Variants in RGS7BP observed in about 807,000 individuals in gnomAD.
The protein encoded by RGS7BP is regulator of G protein signaling 7 binding protein, also known as regulator of G protein signaling 7-binding protein.
In RGS7BP, 9 loss-of-function variants were observed where a neutral mutation model predicts 31.3. The observed-to-expected ratio is 0.29, with a 90% confidence interval of 0.17 to 0.50. RGS7BP has a LOEUF of 0.50. Ranked by LOEUF, RGS7BP falls within the 20% of genes least tolerant of loss-of-function variation. The pLI is 0.98. For synonymous variants in RGS7BP, 115 were observed against 120.1 expected (o/e 0.96, Z 0.28); for missense variants, 274 against 322.0 (o/e 0.85, Z 1.14).
intron 3 of RGS7BP, among the ~76,000 whole-genome samples, chr5:64,584,730 T>C (rs1307843135): frequency 6.6e-6 from 1 of 152,246 alleles, no homozygotes; most frequent in Non-Finnish European, 1.5e-5. Context: ...GATGGTTTTG[T>C]ATCTCTTCTG....
At chr5:64,584,581 G>A (rs1742692155) in intron 3 of RGS7BP, among the ~76,000 whole-genome samples, 5 of 152,152 alleles carry the variant, frequency 3.3e-5, no homozygotes, top group Admixed American at 3.3e-4. Context: ...ATCTTCTATT[G>A]TTTGCTCTTC....
chr5:64,597,937 C>T (rs1743118126), intron 4 of RGS7BP, among the ~76,000 whole-genome samples: 1 of 152,144 alleles, frequency 6.6e-6, no homozygotes, highest in South Asian at 2.1e-4. Context: ...ATGTACATAG[C>T]CACTATAGTC....
At chr5:64,537,437 A>G (rs1741406109) in intron 2 of RGS7BP, among the ~76,000 whole-genome samples, 1 of 152,314 alleles carries the variant, frequency 6.6e-6, no homozygotes, top group African/African-American at 2.4e-5. Flanking sequence ...ATGTGTCTCA[A>G]TTTAAAATAA....
intron 2 of RGS7BP, among the ~76,000 whole-genome samples, chr5:64,518,048 G>A (rs1323838856): frequency 6.6e-6 from 1 of 151,996 alleles, no homozygotes; most frequent in African/African-American, 2.4e-5. Context: ...CTGGAGATGG[G>A]GATAAACTGC....
At chr5:64,556,417 C>CCACACACACACA (rs10624566) in intron 2 of RGS7BP, among the ~76,000 whole-genome samples, 11 of 125,398 alleles carry the variant, frequency 8.8e-5, no homozygotes, top group Admixed American at 5.1e-4. Flanking sequence ...TCTTCCCCAG[C>CCACACACACACA]CACACACACA....
chr5:64,598,528 C>T, intron 5 of RGS7BP, 93 bp downstream of exon 5: 1 of 822,340 alleles, frequency 1.2e-6, no homozygotes, highest in Non-Finnish European at 2.1e-6. Flanking sequence ...GTGTCTCACA[C>T]AAACAGTAGA....
At chr5:64,576,720 A>G (rs1742441443) in intron 3 of RGS7BP, among the ~76,000 whole-genome samples, 1 of 152,192 alleles carries the variant, frequency 6.6e-6, no homozygotes, top group South Asian at 2.1e-4. Context: ...TAGAGGGTGG[A>G]GTCAGCCCCA....
At chr5:64,525,018 T>A (rs1418263088) in intron 2 of RGS7BP, among the ~76,000 whole-genome samples, 1 of 152,128 alleles carries the variant, frequency 6.6e-6, no homozygotes, top group African/African-American at 2.4e-5. Flanking sequence ...CTTCATGTAT[T>A]TCTTGTCACT....
intron 5 of RGS7BP, among the ~76,000 whole-genome samples, chr5:64,602,525 T>A (rs1355680992): frequency 1.3e-5 from 2 of 152,166 alleles, no homozygotes; most frequent in African/African-American, 4.8e-5. Flanking sequence ...CATATAATGG[T>A]CACCAATGAT....
At position 64,571,898 on chromosome 5, in the gene RGS7BP, T is replaced by G. The variant is rs562629667; in HGVS notation, c.333-3876T>G. ...GTAGAAGTTAATTCTTAGGGTTTTT[T>G]CTATCAATACTAAGGCTTTGAAATT... On this transcript the variant is annotated intron_variant, in intron 2 of 5. Coordinates refer to ENST00000334025, the MANE Select transcript of RGS7BP (RefSeq NM_001029875.3). Among the ~76,000 whole-genome samples the G allele has an allele frequency of 6.6e-5, 10 of 152,328 alleles. 1 individual carries two copies. Among genetic ancestry groups the G allele is most frequent in the African/African-American group, 2.2e-4 (9 of 41,596 alleles).
intron 2 of RGS7BP, among the ~76,000 whole-genome samples, chr5:64,570,799 T>C (rs572674176): frequency 2.0e-5 from 3 of 152,314 alleles, no homozygotes; most frequent in African/African-American, 7.2e-5. Flanking sequence ...TTTTACGATA[T>C]TTGCTTTATT....
chr5:64,536,439 G>A (rs191772398), intron 2 of RGS7BP, among the ~76,000 whole-genome samples: 13 of 152,188 alleles, frequency 8.5e-5, no homozygotes, highest in Admixed American at 2.6e-4. Flanking sequence ...TGTCGCACGC[G>A]TTCACAATAA....
chr5:64,559,870 T>A (rs1210948153), intron 2 of RGS7BP, among the ~76,000 whole-genome samples: 1 of 152,056 alleles, frequency 6.6e-6, no homozygotes. Flanking sequence ...TTTAAAAAAA[T>A]AACTTGTCCA....
intron 2 of RGS7BP, among the ~76,000 whole-genome samples, chr5:64,555,727 T>C (rs1390734327): frequency 6.6e-6 from 1 of 152,034 alleles, no homozygotes; most frequent in African/African-American, 2.4e-5. Context: ...AAAAAGCACA[T>C]GGTAAAACAA....
chr5:64,580,575 A>C (rs2111914478), intron 3 of RGS7BP, among the ~76,000 whole-genome samples: 1 of 151,666 alleles, frequency 6.6e-6, no homozygotes, highest in East Asian at 1.9e-4. Context: ...AATCCATATA[A>C]ATATATAGGT....
chr5:64,552,625 C>A (rs1320144311), intron 2 of RGS7BP, among the ~76,000 whole-genome samples: 4 of 152,208 alleles, frequency 2.6e-5, no homozygotes, highest in Non-Finnish European at 5.9e-5. Flanking sequence ...TTCCACTCTG[C>A]ATCATCAACT....
chr5:64,517,339 C>T (rs1749003489), intron 2 of RGS7BP, among the ~76,000 whole-genome samples: 2 of 152,104 alleles, frequency 1.3e-5, no homozygotes, highest in Admixed American at 1.3e-4. Flanking sequence ...TTCATTGCCA[C>T]CTTAAATAAA....
At chr5:64,584,699 C>G (rs1742696155) in intron 3 of RGS7BP, among the ~76,000 whole-genome samples, 2 of 152,186 alleles carry the variant, frequency 1.3e-5, no homozygotes, top group Non-Finnish European at 2.9e-5. Flanking sequence ...CAGAAGAGGC[C>G]AAAGGGCAGT....
chr5:64,538,959 C>T (rs1580410306), intron 2 of RGS7BP, among the ~76,000 whole-genome samples: 2 of 152,140 alleles, frequency 1.3e-5, no homozygotes, highest in African/African-American at 4.8e-5. Flanking sequence ...TGTTCTGTAG[C>T]ATTCTGTTGT....
Sources: gnomAD v4.1 joint callset for allele counts (sites outside exome capture counted in the v4.1 genomes callset) on GRCh38, gnomAD v4.1.1 for gene constraint, MANE v1.5 for transcripts, NCBI Gene and HGNC (gene_info 2026-07-23, HGNC 2026-07-21) for gene names.